OAS2: variants seen among roughly 807,000 people sequenced by gnomAD.
OAS2 encodes the protein 2'-5'-oligoadenylate synthase 2.
A neutral mutation model predicts 71.3 loss-of-function variants in OAS2; 67 were observed. The observed-to-expected ratio is 0.94, with a 90% CI of 0.77 to 1.15. The LOEUF (loss-of-function observed/expected upper bound fraction) is 1.15. OAS2 is among the 50% of genes most tolerant of loss of function. OAS2 has a pLI of 0.00. For missense variants in OAS2, 789 were observed against 822.5 expected (o/e 0.96, Z 0.50); for synonymous variants, 327 against 321.8 (o/e 1.02, Z -0.17).
intron 5 of OAS2, among the ~76,000 whole-genome samples, chr12:112,999,202 C>T (rs1419975364): frequency 6.6e-6 from 1 of 152,192 alleles, no homozygotes; most frequent in Non-Finnish European, 1.5e-5. Context: ...ACAAGAGAAC[C>T]AATTAAGGCA....
intron 1 of OAS2, among the ~76,000 whole-genome samples, chr12:112,983,356 G>C (rs904704477): frequency 1.3e-5 from 2 of 152,110 alleles, no homozygotes; most frequent in East Asian, 1.9e-4. Context: ...CTCCTGAGTA[G>C]TTGGGATCAC....
At position 113,009,227 on chromosome 12, in the gene OAS2, C is replaced by G; in HGVS notation, c.2036C>G (p.Pro679Arg). ...FKDGTGNPIPPWKVPVKVI is the reference protein window; with the variant it reads ...FKDGTGNPIPRWKVPVKVI ...GATGGGACTGGAAACCCAATACCAC[C>G]TTGGAAAGTGCCGGTAAAAGTCATC... The change falls in exon 10 of 10, where the codon CCT becomes CGT. Residue 679 changes from proline to arginine, a missense_variant. Coordinates refer to ENST00000392583, the MANE Select transcript of OAS2 (RefSeq NM_002535.3). The G allele has an allele frequency of 6.2e-7, 1 of 1,614,078 alleles. No individual in the cohort carries two copies. The highest frequency in any genetic ancestry group is 8.5e-7 in the Non-Finnish European group (1 of 1,179,960).
chr12:113,010,469 TA>T lies in OAS2; in HGVS notation c.*1218del. Reference sequence around the variant, plus strand: ...GCCATAGAATCCTGAATAATAATTCTAAAAGAAACTTCTAGAGATCATCTGG... The same window carrying T: ...GCCATAGAATCCTGAATAATAATTCTAAAGAAACTTCTAGAGATCATCTGG... On this transcript the variant is annotated 3_prime_UTR_variant, in exon 10 of 10. Coordinates refer to ENST00000392583, the MANE Select transcript of OAS2 (RefSeq NM_002535.3). The T allele has an allele frequency of 1.9e-6, 3 of 1,613,582 alleles. No individual in the cohort carries two copies. The highest frequency in any genetic ancestry group is 2.5e-6 in the Non-Finnish European group (3 of 1,179,856).
rs1400419106 is a variant in OAS2, at chr12:112,997,756, G to C, written c.863+1G>C. On this transcript the variant is annotated splice_donor_variant, in intron 4 of 9. Coordinates refer to ENST00000392583, the MANE Select transcript of OAS2 (RefSeq NM_002535.3). LOFTEE classifies it high-confidence loss of function. ...TGCTGCACCAGCTCCAATCAGCGAG[G>C]TGCCAAGCTTCTCACACCCTATCCC... The C allele has an allele frequency of 1.3e-6, 2 of 1,572,720 alleles. No homozygotes were observed. The highest frequency in any genetic ancestry group is 1.3e-5 in the African/African-American group (1 of 74,146).
rs2044248822 is a variant in OAS2 at position 112,997,738 on chromosome 12, C to A, written c.846C>A (p.His282Gln). 3.1e-6 allele frequency: 5 copies of A among 1,599,462 alleles called. No homozygotes were observed. Among genetic ancestry groups the A allele is most frequent in the Non-Finnish European group, 3.4e-6 (4 of 1,171,574 alleles). The change falls in exon 4 of 10, where the codon CAC (histidine) becomes CAA (glutamine). Residue 282 changes from histidine (H) to glutamine (Q), a missense_variant. Physicochemically the swap from His to Gln is conservative, Grantham distance 24. Coordinates refer to ENST00000392583, the MANE Select transcript of OAS2 (RefSeq NM_002535.3). ...AGACCATCAGGAACATCCTGCTGCA[C>A]CAGCTCCAATCAGCGAGGTGCCAAG... is the stretch of plus-strand genomic sequence containing the variant. ...EDETIRNILL[H>Q]QLQSARPVIL...
intron 1 of OAS2, among the ~76,000 whole-genome samples, chr12:112,986,697 AC>A (rs1278617396): frequency 6.6e-6 from 1 of 151,398 alleles, no homozygotes; most frequent in Non-Finnish European, 1.5e-5. Flanking sequence ...GGACAGTTTT[AC>A]CCCCATTCCC....
rs750988619 is a variant in OAS2, at chr12:113,010,333, A to T, written c.*1078A>T. The T allele has an allele frequency of 2.5e-6, 4 of 1,601,802 alleles. No homozygotes were observed. Among genetic ancestry groups the T allele is most frequent in the Non-Finnish European group, 3.4e-6 (4 of 1,175,946 alleles). On this transcript the variant is annotated 3_prime_UTR_variant, in exon 10 of 10. Coordinates refer to ENST00000392583, the MANE Select transcript of OAS2 (RefSeq NM_002535.3). ...ACTCTTTTAAGCAATGATTGTAACT[A>T]TTAGGAGACATTGCTCTCCCACGTA... is the stretch of plus-strand genomic sequence containing the variant.
Position 112,978,754 on chromosome 12 carries a change from A to G in OAS2, c.146A>G (p.Glu49Gly). The change falls in exon 1 of 10, where the codon GAA becomes GGA. Residue 49 changes from glutamate to glycine, a missense_variant. By Grantham distance (98) the Glu-to-Gly change is moderately conservative. Coordinates refer to ENST00000392583, the MANE Select transcript of OAS2 (RefSeq NM_002535.3). The surrounding 1 kb of genome is among the most constrained non-coding windows in gnomAD (Gnocchi z 4.2). ...NTICDVLQEP[E>G]QFPLVQGVAI... ...ATCTGTGACGTCCTGCAGGAACCCGAACAGTTCCCCCTGGTGCAGGGAGTG... is the reference window on the plus strand; with the variant it reads ...ATCTGTGACGTCCTGCAGGAACCCGGACAGTTCCCCCTGGTGCAGGGAGTG... 6.2e-7 allele frequency: 1 copy of G among 1,613,938 alleles called. No individual in the cohort carries two copies. The highest frequency in any genetic ancestry group is 8.5e-7 in the Non-Finnish European group (1 of 1,179,922).
chr12:113,000,922 C>A (rs998970241), intron 5 of OAS2, among the ~76,000 whole-genome samples: 1 of 152,232 alleles, frequency 6.6e-6, no homozygotes, highest in Non-Finnish European at 1.5e-5. Flanking sequence ...GAGTGCCCTT[C>A]CCCACCTCCA....
intron 1 of OAS2, among the ~76,000 whole-genome samples, chr12:112,986,748 C>T (rs868374830): frequency 9.2e-5 from 14 of 152,198 alleles, no homozygotes; most frequent in Middle Eastern, 3.4e-3. Flanking sequence ...GCAGGTGAGG[C>T]GATCCTATCC....
chr12:112,999,009 G>A (rs1331806423), intron 5 of OAS2, among the ~76,000 whole-genome samples: 1 of 152,170 alleles, frequency 6.6e-6, no homozygotes, highest in South Asian at 2.1e-4. Flanking sequence ...AAGAGAAAGG[G>A]GGGTACCCAA....
rs1397925079 is a variant in OAS2 at position 113,009,086 on chromosome 12, G to C, written c.1896-1G>C. The C allele has an allele frequency of 1.2e-6, 2 of 1,612,956 alleles. No homozygotes were observed. The highest frequency in any genetic ancestry group is 1.1e-5 in the South Asian group (1 of 90,960). ...CTAATGCCTTCTAACCTCTCATTCAGGCCTGTGATCTTGGACCCAGCCGAA... is the reference window on the plus strand; with the variant it reads ...CTAATGCCTTCTAACCTCTCATTCACGCCTGTGATCTTGGACCCAGCCGAA... On this transcript the variant is annotated splice_acceptor_variant, in intron 9 of 9. Transcript: ENST00000392583. LOFTEE classifies it high-confidence loss of function.
chr12:112,984,945 G>GT (rs55832622), intron 1 of OAS2, among the ~76,000 whole-genome samples: 43,257 of 151,586 alleles, frequency 0.29, 6,391 homozygotes, highest in Admixed American at 0.33. Flanking sequence ...GTCTGAAAGG[G>GT]TTTTTTTTTA....
intron 9 of OAS2, 147 bp from the exon 10 acceptor site, chr12:113,008,940 C>A: frequency 7.2e-7 from 1 of 1,380,038 alleles, no homozygotes; most frequent in Non-Finnish European, 9.7e-7. Context: ...TAGAAAGTTA[C>A]TTTGAACCCT....
chr12:113,007,478 T>A (rs1400610302), intron 8 of OAS2, among the ~76,000 whole-genome samples: 1 of 152,198 alleles, frequency 6.6e-6, no homozygotes, highest in Non-Finnish European at 1.5e-5. Flanking sequence ...AAACTGTAGC[T>A]ATGTTATTGT....
intron 5 of OAS2, among the ~76,000 whole-genome samples, chr12:113,000,883 A>G (rs2044281652): frequency 6.6e-6 from 1 of 152,258 alleles, no homozygotes; most frequent in African/African-American, 2.4e-5. Flanking sequence ...ATCTGAGAAC[A>G]ACCAAGGTTG....
chr12:112,992,853 G>A (rs959646110), intron 2 of OAS2, among the ~76,000 whole-genome samples: 66 of 152,152 alleles, frequency 4.3e-4, no homozygotes, highest in Non-Finnish European at 1.3e-4. Context: ...GTCAAGGAGG[G>A]AGACAGGTGC....
intron 1 of OAS2, among the ~76,000 whole-genome samples, chr12:112,980,312 A>G (rs991319093): frequency 6.6e-6 from 1 of 152,206 alleles, no homozygotes; most frequent in African/African-American, 2.4e-5. Flanking sequence ...TGTTAACTAT[A>G]GTCACCCCAT....
In OAS2 at chr12:113,009,168, A is replaced by G. The variant is rs757953609; in HGVS notation, c.1977A>G (p.Glu659=). The G allele has an allele frequency of 6.4e-5, 104 of 1,614,054 alleles. No individual in the cohort carries two copies. The South Asian group carries it at 1.1e-3, about 17-fold the overall frequency. ...DRWCWHLLAK[E]AKEWLSSPCF... ...GGTGTTGGCATCTTCTGGCAAAAGA[A>G]GCAAAGGAATGGTTATCCTCTCCCT... Residue 659 remains glutamate, a synonymous_variant, in exon 10 of 10, where the codon GAA becomes GAG. Transcript: ENST00000392583.
Sources: gnomAD v4.1 joint callset for allele counts (sites outside exome capture counted in the v4.1 genomes callset) on GRCh38, gnomAD v4.1.1 for gene constraint, Gnocchi (gnomAD v3.1) non-coding constraint, MANE v1.5 for transcripts, NCBI Gene and HGNC (gene_info 2026-07-23, HGNC 2026-07-21) for gene names.